Variants in HEATR1 observed in about 807,000 individuals in gnomAD.
The protein encoded by HEATR1 is HEAT repeat containing 1.
In HEATR1, 77 loss-of-function variants were observed where a neutral mutation model predicts 248.2. The ratio of observed to expected loss-of-function variants is 0.31; its 90% confidence interval spans 0.26 to 0.37. HEATR1 has a LOEUF of 0.37. Among genes scored for constraint, HEATR1 ranks in the 10% least tolerant of loss-of-function variants. HEATR1 has a pLI of 1.00. For synonymous variants in HEATR1, 897 were observed against 923.1 expected (o/e 0.97, Z 0.51); for missense variants, 2,420 against 2,504.9 (o/e 0.97, Z 0.72).
chr1:236,565,530 C>T (rs1663246538), intron 31 of HEATR1, among the ~76,000 whole-genome samples: 1 of 152,108 alleles, frequency 6.6e-6, no homozygotes, highest in Non-Finnish European at 1.5e-5. Context: ...CTGCATGGTA[C>T]AATTTTAATA....
chr1:236,558,595 T>C, intron 35 of HEATR1, 66 bp from the exon 36 acceptor site: 1 of 1,471,090 alleles, frequency 6.8e-7, no homozygotes, highest in South Asian at 1.3e-5. Flanking sequence ...ATTTTCCCAT[T>C]GTCACAGCTT....
In HEATR1 at chr1:236,586,301, T is replaced by C; in HGVS notation, c.1867A>G (p.Ile623Val). 6.2e-7 allele frequency: 1 copy of C among 1,613,570 alleles called. No homozygotes were observed. The highest frequency in any genetic ancestry group is 1.1e-5 in the South Asian group (1 of 91,056). The part of the protein sequence containing the change: ...DTESAEMKIA[I>V]YLSKSGICSL... ...CAGATTCCTGATTTTGATAAATATA[T>C]AGCAATTTTCATCTCAGCAGATTCC... Residue 623 changes from isoleucine to valine, a missense_variant, in exon 15 of 45, where the codon ATA becomes GTA. Physicochemically the swap from Ile to Val is conservative, Grantham distance 29 (BLOSUM62 3). Transcript: ENST00000366582.
rs4659683 is a variant in HEATR1, at chr1:236,574,293, A to T, written c.3368T>A (p.Val1123Asp). The T allele has an allele frequency of 2.5e-6, 4 of 1,612,118 alleles. No homozygotes were observed. In the African/African-American group the frequency reaches 4.0e-5, roughly 16 times the overall value. The change falls in exon 24 of 45, where the codon GTT becomes GAT. Residue 1123 changes from valine to aspartate, a missense_variant. Transcript: ENST00000366582. ...PFFAAISDEK[V>D]QQKLLRMLFD... ...CAACATTCTTAAAAGCTTCTGCTGA[A>T]CTTTTTCATCTGATATGGCTGCAAA... is the stretch of plus-strand genomic sequence containing the variant.
intron 22 of HEATR1, 87 bp from the exon 23 acceptor site, chr1:236,574,990 A>C: frequency 7.6e-7 from 1 of 1,317,276 alleles, no homozygotes; most frequent in Non-Finnish European, 1.0e-6. Context: ...GCCTGCTGGA[A>C]GATGGGAGTT....
intron 38 of HEATR1, 26 bp from the exon 39 acceptor site, chr1:236,555,965 T>C (rs1426399607): frequency 6.2e-7 from 1 of 1,612,168 alleles, no homozygotes; most frequent in Non-Finnish European, 8.5e-7. Context: ...GAAAGAGATG[T>C]GCCATTTTCA....
At position 236,550,752 on chromosome 1, in the gene HEATR1, G is replaced by T. The variant is rs112742366; in HGVS notation, c.*150C>A. 3.3e-6 allele frequency: 2 copies of T among 597,230 alleles called. No homozygotes were observed. The highest frequency in any genetic ancestry group is 2.9e-5 in the East Asian group (1 of 34,776). The allele number at this position is 597,230 out of a possible 1,614,324, so 37.0% of individuals were successfully genotyped here. On this transcript the variant is annotated 3_prime_UTR_variant, in exon 45 of 45. Coordinates refer to ENST00000366582, the MANE Select transcript of HEATR1 (RefSeq NM_018072.6). Reference sequence around the variant, plus strand: ...CTTATGTGGCAGCACAAGCCAGGTGGGGATTTTGTAAAGAAGTGATAAAAC... The same window carrying T: ...CTTATGTGGCAGCACAAGCCAGGTGTGGATTTTGTAAAGAAGTGATAAAAC...
intron 21 of HEATR1, 85 bp downstream of exon 21, chr1:236,576,695 A>T: frequency 7.9e-7 from 1 of 1,266,528 alleles, no homozygotes; most frequent in Non-Finnish European, 1.1e-6. Flanking sequence ...CAAAATCCCT[A>T]CACAGTGAAA....
At chr1:236,584,936 C>T (rs534541236) in intron 17 of HEATR1, 89 bp downstream of exon 17, 7 of 1,121,804 alleles carry the variant, frequency 6.2e-6, no homozygotes, top group South Asian at 3.2e-5. Flanking sequence ...CTCAACATCT[C>T]GCCTCTGATT....
chr1:236,577,488 T>C (rs1321725509), intron 20 of HEATR1, among the ~76,000 whole-genome samples: 1 of 83,966 alleles, frequency 1.2e-5, no homozygotes, highest in African/African-American at 3.8e-5. Context: ...ATTACATCAT[T>C]CTTTTTTTTT....
rs776557574 is a variant in HEATR1 at position 236,583,228 on chromosome 1, A to G, written c.2242-32T>C. The stretch of plus-strand genomic sequence containing the variant: ...TGTTAAAGGAAACAAAAACTAGTAC[A>G]AACTAAGGGTTCTGAACATGGGTTA... On this transcript the variant is annotated intron_variant, in intron 17 of 44. Coordinates refer to ENST00000366582, the MANE Select transcript of HEATR1 (RefSeq NM_018072.6). The G allele has an allele frequency of 2.6e-6, 4 of 1,545,274 alleles. No homozygotes were observed. In the East Asian group the frequency reaches 9.0e-5, roughly 35 times the overall value.
intron 12 of HEATR1, among the ~76,000 whole-genome samples, chr1:236,588,934 G>A (rs1027178657): frequency 6.6e-6 from 1 of 152,132 alleles, no homozygotes; most frequent in Admixed American, 6.5e-5. Context: ...AACATAGCAA[G>A]ACCCCATCAT....
chr1:236,565,170 G>T (rs1482408780), intron 31 of HEATR1, among the ~76,000 whole-genome samples: 1 of 152,152 alleles, frequency 6.6e-6, no homozygotes, highest in African/African-American at 2.4e-5. Context: ...ACAAGTTACT[G>T]CCTCGCCAAA....
chr1:236,591,911 T>C (rs1392872186), intron 11 of HEATR1, 82 bp downstream of exon 11: 5 of 772,202 alleles, frequency 6.5e-6, no homozygotes, highest in African/African-American at 1.7e-5. Context: ...GGGAAAAAAG[T>C]GGCAAATTTC....
At position 236,590,920 on chromosome 1, in the gene HEATR1, C is replaced by A; in HGVS notation, c.1457G>T (p.Ser486Ile). Reference sequence around the variant, plus strand: ...CACAGGAGCAAGTGGATGATTCAGGCTGAGCATCAAAGAAGTATCAGAATC... The same window carrying A: ...CACAGGAGCAAGTGGATGATTCAGGATGAGCATCAAAGAAGTATCAGAATC... ...LADSDTSLML[S>I]LNHPLAPVRI... Residue 486 changes from serine to isoleucine, a missense_variant, in exon 12 of 45, where the codon AGC (serine) becomes ATC (isoleucine). Coordinates refer to ENST00000366582, the MANE Select transcript of HEATR1 (RefSeq NM_018072.6). 1 of 1,515,276 alleles carries A rather than the reference C, an allele frequency of 6.6e-7. No individual in the cohort carries two copies. The highest frequency in any genetic ancestry group is 8.9e-7 in the Non-Finnish European group (1 of 1,122,920). The allele number at this position is 1,515,276 out of a possible 1,614,324, so 93.9% of individuals were successfully genotyped here. A position where few individuals can be genotyped will look rare whatever the true frequency, so the allele number is the denominator to read the frequency against.
Position 236,551,986 on chromosome 1 carries a change from G to T in HEATR1, c.6346+13C>A. 2 of 1,494,076 alleles carry T rather than the reference G, an allele frequency of 1.3e-6. No homozygotes were observed. The highest frequency in any genetic ancestry group is 9.3e-7 in the Non-Finnish European group (1 of 1,072,522). The allele number at this position is 1,494,076 out of a possible 1,614,324, so 92.6% of individuals were successfully genotyped here. On this transcript the variant is annotated intron_variant, in intron 44 of 44. Transcript: ENST00000366582. ...CTTAATTGTTTAATGGTTGGGAATA[G>T]TTTGGGAATTACCTTCCATCAACTC...
chr1:236,565,122 G>A (rs978643274), intron 31 of HEATR1, among the ~76,000 whole-genome samples: 2 of 152,070 alleles, frequency 1.3e-5, no homozygotes, highest in African/African-American at 4.8e-5. Context: ...GACCTCCCTC[G>A]TCTGTCCCTG....
At chr1:236,585,313 T>G in intron 16 of HEATR1, 97 bp from the exon 17 acceptor site, 1 of 943,612 alleles carries the variant, frequency 1.1e-6, no homozygotes, top group South Asian at 1.9e-5. Flanking sequence ...GTTTTACATT[T>G]AAAGTGAGAT....
intron 21 of HEATR1, 51 bp from the exon 22 acceptor site, chr1:236,576,428 G>C: frequency 7.7e-7 from 1 of 1,290,410 alleles, no homozygotes; most frequent in Non-Finnish European, 1.1e-6. Flanking sequence ...AAACTACAAA[G>C]GCTAAATATA....
At chr1:236,567,128 C>A (rs1663293404) in intron 29 of HEATR1, among the ~76,000 whole-genome samples, 1 of 152,146 alleles carries the variant, frequency 6.6e-6, no homozygotes, top group East Asian at 1.9e-4. Context: ...GCTGGGACAT[C>A]CCAGGACCCC....
Sources: gnomAD v4.1 joint callset for allele counts (sites outside exome capture counted in the v4.1 genomes callset) on GRCh38, gnomAD v4.1.1 for gene constraint, MANE v1.5 for transcripts, NCBI Gene and HGNC (gene_info 2026-07-23, HGNC 2026-07-21) for gene names.